NDUFS6: variants seen among roughly 807,000 people sequenced by gnomAD.
NDUFS6 encodes the protein NADH dehydrogenase [ubiquinone] iron-sulfur protein 6, mitochondrial.
In NDUFS6, 14 loss-of-function variants were observed where a neutral mutation model predicts 13.2. The ratio of observed to expected loss-of-function variants is 1.06; its 90% CI spans 0.70 to 1.66. The LOEUF (loss-of-function observed/expected upper bound fraction) is 1.66. NDUFS6 is among the 40% of genes most tolerant of loss of function. NDUFS6 has a pLI of 0.00. For missense variants in NDUFS6, 206 were observed against 170.8 expected (o/e 1.21, Z -1.15); for synonymous variants, 95 against 72.3 (o/e 1.31, Z -1.60).
intron 2 of NDUFS6, among the ~76,000 whole-genome samples, chr5:1,812,316 TGTTGC>T (rs1734230474): frequency 2.0e-5 from 3 of 152,014 alleles, no homozygotes; most frequent in African/African-American, 7.2e-5. Context: ...CTCTCAACAC[TGTTGC>T]ATTGACTATT....
At chr5:1,805,259 G>A (rs893462577) in intron 2 of NDUFS6, among the ~76,000 whole-genome samples, 4 of 152,202 alleles carry the variant, frequency 2.6e-5, no homozygotes, top group African/African-American at 9.6e-5. Context: ...GAGTCTGGGA[G>A]GTTGAGGCTG....
chr5:1,815,494 G>C (rs1734294265), intron 3 of NDUFS6, among the ~76,000 whole-genome samples: 2 of 152,240 alleles, frequency 1.3e-5, no homozygotes, highest in African/African-American at 4.8e-5. Flanking sequence ...TGGGCACCCG[G>C]CATGTCCCCT....
intron 2 of NDUFS6, among the ~76,000 whole-genome samples, chr5:1,806,695 G>A (rs1442309521): frequency 6.6e-6 from 1 of 152,178 alleles, no homozygotes; most frequent in Non-Finnish European, 1.5e-5. Context: ...CTGAAACTTT[G>A]TGCCTTGCTG....
intron 2 of NDUFS6, among the ~76,000 whole-genome samples, chr5:1,807,765 G>A (rs1416131479): frequency 6.6e-6 from 1 of 152,246 alleles, no homozygotes; most frequent in Non-Finnish European, 1.5e-5. Flanking sequence ...AGCACCACCC[G>A]AACCATGTTG....
At position 1,802,375 on chromosome 5, in the gene NDUFS6, G is replaced by T. The variant is rs1734061080; in HGVS notation, c.186+1G>T. ...TCGGTTTGTAGGTCGTCAGAAAGAGGTGAGTAAAAAATCTAGTGAAGAGAG... is the reference window on the plus strand; with the variant it reads ...TCGGTTTGTAGGTCGTCAGAAAGAGTTGAGTAAAAAATCTAGTGAAGAGAG... On this transcript the variant is annotated splice_donor_variant, in intron 2 of 3. Coordinates refer to ENST00000274137, the MANE Select transcript of NDUFS6 (RefSeq NM_004553.6). LOFTEE classifies it high-confidence loss of function. 1 of 1,613,626 alleles carries T rather than the reference G, an allele frequency of 6.2e-7. No individual in the cohort carries two copies. The highest frequency in any genetic ancestry group is 2.2e-5 in the East Asian group (1 of 44,864).
intron 2 of NDUFS6, among the ~76,000 whole-genome samples, chr5:1,803,018 T>G (rs1734073856): frequency 6.6e-6 from 1 of 152,192 alleles, no homozygotes; most frequent in Admixed American, 6.5e-5. Context: ...ATTTGCTTCC[T>G]GAAGGATGCT....
At chr5:1,802,976 A>G (rs965802952) in intron 2 of NDUFS6, among the ~76,000 whole-genome samples, 18 of 151,790 alleles carry the variant, frequency 1.2e-4, no homozygotes, top group African/African-American at 4.4e-4. Context: ...CTGAATTCGT[A>G]ATTAGATCAG....
chr5:1,812,913 CGTG>C (rs2111359918), intron 2 of NDUFS6, among the ~76,000 whole-genome samples: 1 of 152,192 alleles, frequency 6.6e-6, no homozygotes, highest in East Asian at 1.9e-4. Context: ...ATTAGTCGGA[CGTG>C]GTGGCGGGTG....
intron 3 of NDUFS6, among the ~76,000 whole-genome samples, chr5:1,815,538 G>C (rs1734294868): frequency 6.6e-6 from 1 of 152,226 alleles, no homozygotes; most frequent in Admixed American, 6.5e-5. Flanking sequence ...AAGCCTGGTT[G>C]TGCCTCACTG....
Position 1,814,392 on chromosome 5 carries a change from G to A in NDUFS6, c.240G>A (p.Val80=), listed in dbSNP as rs1263798795. ...TAGCAGAGCAGCCCGTGAGCGAGGT[G>A]GAGACTCGGGTGATAGCGTGCGATG... ...DLIAEQPVSE[V]ETRVIACDGG... Residue 80 remains valine, a synonymous_variant, in exon 3 of 4, where the codon GTG becomes GTA. Coordinates refer to ENST00000274137, the MANE Select transcript of NDUFS6 (RefSeq NM_004553.6). The surrounding 1 kb of genome is among the most constrained non-coding windows in gnomAD (Gnocchi z 4.9). 2 of 1,614,068 alleles carry A rather than the reference G, an allele frequency of 1.2e-6. No individual in the cohort carries two copies. The highest frequency in any genetic ancestry group is 2.7e-5 in the African/African-American group (2 of 74,902).
At chr5:1,802,044 G>T in intron 1 of NDUFS6, 1 of 477,938 alleles carries the variant, frequency 2.1e-6, no homozygotes, top group Non-Finnish European at 3.7e-6. Context: ...AAGGTTGGGG[G>T]CGGTTCTCCT....
At chr5:1,815,148 A>G (rs942914272) in intron 3 of NDUFS6, among the ~76,000 whole-genome samples, 15 of 152,096 alleles carry the variant, frequency 9.9e-5, no homozygotes, top group African/African-American at 3.6e-4. Context: ...AGGACCATTG[A>G]GAAAAAAAAG....
chr5:1,810,966 A>G (rs1222384277), intron 2 of NDUFS6, among the ~76,000 whole-genome samples: 1 of 152,172 alleles, frequency 6.6e-6, no homozygotes, highest in Non-Finnish European at 1.5e-5. Flanking sequence ...CCCCTGAGAC[A>G]GCAGGACCAA....
chr5:1,811,671 A>C (rs1734221550), intron 2 of NDUFS6, among the ~76,000 whole-genome samples: 1 of 152,194 alleles, frequency 6.6e-6, no homozygotes, highest in Non-Finnish European at 1.5e-5. Context: ...TACTGACCGC[A>C]TCACTGTAGT....
At chr5:1,810,330 G>C (rs1487118840) in intron 2 of NDUFS6, among the ~76,000 whole-genome samples, 1 of 152,216 alleles carries the variant, frequency 6.6e-6, no homozygotes, top group Admixed American at 6.5e-5. Flanking sequence ...CCTGGGCTTA[G>C]AGGCCTGCTG....
rs1734265612 is a variant in NDUFS6, at chr5:1,814,183, G to A, written c.187-156G>A. Among the ~76,000 whole-genome samples the A allele has an allele frequency of 6.6e-6, 1 of 152,202 alleles. No individual in the cohort carries two copies. ...CAGTGAAAAGTAGATGTGTGTGTAG[G>A]CCCTGAATTTAATAAGGTCTACAAT... On this transcript the variant is annotated intron_variant, in intron 2 of 3. Transcript: ENST00000274137. This position sits in a 1 kb window ranked among gnomAD's most constrained non-coding sequence, Gnocchi z 4.9.
At position 1,806,696 on chromosome 5, in the gene NDUFS6, T is replaced by C. The variant is rs112951486; in HGVS notation, c.186+4322T>C. Among the ~76,000 whole-genome samples, 283 of 152,310 alleles carry C rather than the reference T, an allele frequency of 1.9e-3. 5 individuals are homozygous for C. Among genetic ancestry groups the C allele is most frequent in the African/African-American group, 6.4e-3 (266 of 41,570 alleles). ...ACGGCGTGGAGCAACTGAAACTTTGTGCCTTGCTGCTGGGAATGTAAAATG... is the reference window on the plus strand; with the variant it reads ...ACGGCGTGGAGCAACTGAAACTTTGCGCCTTGCTGCTGGGAATGTAAAATG... On this transcript the variant is annotated intron_variant, in intron 2 of 3. Transcript: ENST00000274137.
At position 1,812,062 on chromosome 5, in the gene NDUFS6, G is replaced by A. The variant is rs73024124; in HGVS notation, c.187-2277G>A. On this transcript the variant is annotated intron_variant, in intron 2 of 3. Coordinates refer to ENST00000274137, the MANE Select transcript of NDUFS6 (RefSeq NM_004553.6). ...CTGTTTGTTTTGTGTTGCTATAACA[G>A]AGTACCTGAGACTGGATAATTTATA... 2.5e-3 allele frequency among the ~76,000 whole-genome samples: 384 copies of A among 152,304 alleles called. 2 individuals carry two copies. The highest frequency in any genetic ancestry group is 8.3e-3 in the African/African-American group (344 of 41,572).
chr5:1,809,694 T>G (rs1026576932), intron 2 of NDUFS6, among the ~76,000 whole-genome samples: 3 of 152,250 alleles, frequency 2.0e-5, no homozygotes, highest in African/African-American at 7.2e-5. Context: ...GTGCGGCCTT[T>G]GTGACACGTT....
Sources: gnomAD v4.1 joint callset for allele counts (sites outside exome capture counted in the v4.1 genomes callset) on GRCh38, gnomAD v4.1.1 for gene constraint, Gnocchi (gnomAD v3.1) non-coding constraint, MANE v1.5 for transcripts, NCBI Gene and HGNC (gene_info 2026-07-23, HGNC 2026-07-21) for gene names.